Variants in UBE2E2 observed in about 807,000 individuals in gnomAD.
The protein encoded by UBE2E2 is ubiquitin conjugating enzyme E2 E2.
UBE2E2 carries 6 observed loss-of-function variants against 24.7 expected under a neutral mutation model. The ratio of observed to expected loss-of-function variants is 0.24; its 90% CI spans 0.13 to 0.48. The LOEUF is 0.48. Ranked by LOEUF, UBE2E2 falls within the 20% of genes least tolerant of loss-of-function variation. The pLI, the probability that UBE2E2 is intolerant of heterozygous loss-of-function variation, is 0.99. For synonymous variants in UBE2E2, 104 were observed against 83.6 expected (o/e 1.24, Z -1.33); for missense variants, 169 against 245.0 (o/e 0.69, Z 2.07).
At chr3:23,453,057 A>C (rs1166225664) in intron 3 of UBE2E2, among the ~76,000 whole-genome samples, 2 of 152,186 alleles carry the variant, frequency 1.3e-5, no homozygotes, top group African/African-American at 4.8e-5. Flanking sequence ...CTTCAAAGTA[A>C]ATGATAGGTA....
intron 3 of UBE2E2, among the ~76,000 whole-genome samples, chr3:23,304,872 C>G (rs1195460834): frequency 1.3e-5 from 2 of 151,242 alleles, no homozygotes; most frequent in Non-Finnish European, 3.0e-5. Context: ...GTGTGTGTAA[C>G]TTCTATTTTT....
intron 4 of UBE2E2, among the ~76,000 whole-genome samples, chr3:23,516,810 A>G (rs1694752433): frequency 6.6e-6 from 1 of 152,146 alleles, no homozygotes; most frequent in South Asian, 2.1e-4. Context: ...AGTCTTATTA[A>G]TTTAAAGTTT....
chr3:23,307,331 TG>T lies in UBE2E2; in HGVS notation c.227+90021del, dbSNP rs1237672319. ...GCTTTCAGGTCTAGTAATCTTTGGTTGGTTGAGTGTATTTAATTGTGGACCA... is the reference window on the plus strand; with the variant it reads ...GCTTTCAGGTCTAGTAATCTTTGGTTGTTGAGTGTATTTAATTGTGGACCA... On this transcript the variant is annotated intron_variant, in intron 3 of 5. Coordinates refer to ENST00000396703, the MANE Select transcript of UBE2E2 (RefSeq NM_152653.4). Among the ~76,000 whole-genome samples, 8 of 152,322 alleles carry T rather than the reference TG, an allele frequency of 5.3e-5. No homozygotes were observed. The East Asian group carries it at 1.5e-3, about 29-fold the overall frequency.
At position 23,589,356 on chromosome 3, in the gene UBE2E2, AAGGCTACACTG is replaced by A. The variant is rs1696706591; in HGVS notation, c.509-375_509-365del. Among the ~76,000 whole-genome samples the A allele has an allele frequency of 6.6e-6, 1 of 151,922 alleles. No homozygotes were observed. The highest frequency in any genetic ancestry group is 1.5e-5 in the Non-Finnish European group (1 of 67,962). ...GAGGATTGCTTGATCCCAGGAGGTC[AAGGCTACACTG>A]AGCTGTGATCATGCCACTGCACTCT... is the stretch of plus-strand genomic sequence containing the variant. On this transcript the variant is annotated intron_variant, in intron 5 of 5. Transcript: ENST00000396703. The surrounding 1 kb of genome is among the most constrained non-coding windows in gnomAD (Gnocchi z 4.1).
intron 5 of UBE2E2, among the ~76,000 whole-genome samples, chr3:23,549,802 G>T (rs781484056): frequency 6.6e-6 from 1 of 152,082 alleles, no homozygotes; most frequent in Admixed American, 6.6e-5. Context: ...GAAGGCTGAG[G>T]TGGGTGGATC....
At chr3:23,497,762 A>C (rs1699635767) in intron 3 of UBE2E2, among the ~76,000 whole-genome samples, 1 of 152,148 alleles carries the variant, frequency 6.6e-6, no homozygotes, top group Admixed American at 6.6e-5. Flanking sequence ...ACAAATCTCA[A>C]ATTTTTCTAA....
chr3:23,344,213 G>A (rs1477233407), intron 3 of UBE2E2, among the ~76,000 whole-genome samples: 4 of 151,992 alleles, frequency 2.6e-5, no homozygotes, highest in Non-Finnish European at 5.9e-5. Flanking sequence ...TGAGTACTTT[G>A]ATTTATCTGG....
At chr3:23,293,288 T>C (rs535444750) in intron 3 of UBE2E2, among the ~76,000 whole-genome samples, 2 of 152,348 alleles carry the variant, frequency 1.3e-5, no homozygotes, top group African/African-American at 2.4e-5. Flanking sequence ...TCCCAGGTGA[T>C]TCTTACATTT....
chr3:23,521,487 T>A (rs762575278), intron 4 of UBE2E2, among the ~76,000 whole-genome samples: 5 of 152,238 alleles, frequency 3.3e-5, no homozygotes, highest in Non-Finnish European at 7.3e-5. Flanking sequence ...TGGACATCTG[T>A]TAAATTATCT....
At chr3:23,209,461 C>G (rs1696256326) in intron 2 of UBE2E2, among the ~76,000 whole-genome samples, 1 of 152,132 alleles carries the variant, frequency 6.6e-6, no homozygotes, top group Admixed American at 6.5e-5. Context: ...TGGCATGTCA[C>G]TGGACTTAAA....
intron 4 of UBE2E2, among the ~76,000 whole-genome samples, chr3:23,503,642 T>C (rs1694352263): frequency 6.6e-6 from 1 of 151,798 alleles, no homozygotes; most frequent in Admixed American, 6.6e-5. Flanking sequence ...TCATTTGAGA[T>C]CAGGAGTTCG....
rs71974866 is a variant in UBE2E2 at position 23,407,647 on chromosome 3, A to ATGTGTGTGTG, written c.228-91927_228-91918dup. 8.8e-4 allele frequency among the ~76,000 whole-genome samples: 122 copies of ATGTGTGTGTG among 138,116 alleles called. No individual in the cohort carries two copies. Among genetic ancestry groups the ATGTGTGTGTG allele is most frequent in the Admixed American group, 8.3e-3 (111 of 13,446 alleles). 90.6% of individuals were successfully genotyped at this position (138,116 alleles called of 152,430 possible). ...TGTGTGTTTGTGTGTGCATGCGTGC[A>ATGTGTGTGTG]TGTGTGTGTGTGTGTGTGTGTGTGT... On this transcript the variant is annotated intron_variant, in intron 3 of 5. Coordinates refer to ENST00000396703, the MANE Select transcript of UBE2E2 (RefSeq NM_152653.4). The surrounding 1 kb of genome is among the most constrained non-coding windows in gnomAD (Gnocchi z 4.0).
intron 3 of UBE2E2, among the ~76,000 whole-genome samples, chr3:23,230,081 A>G (rs1229588198): frequency 1.3e-5 from 2 of 152,174 alleles, no homozygotes. Flanking sequence ...GTATATATTT[A>G]TTTATCTCCC....
intron 3 of UBE2E2, among the ~76,000 whole-genome samples, chr3:23,318,045 G>A (rs760848176): frequency 6.6e-6 from 1 of 151,734 alleles, no homozygotes; most frequent in South Asian, 2.1e-4. Flanking sequence ...TCTTATCTAG[G>A]TTTTAAAAAA....
At chr3:23,327,495 A>T (rs932819181) in intron 3 of UBE2E2, among the ~76,000 whole-genome samples, 1 of 152,166 alleles carries the variant, frequency 6.6e-6, no homozygotes, top group Non-Finnish European at 1.5e-5. Flanking sequence ...CATCTACTCT[A>T]TTTTACTAAC....
intron 5 of UBE2E2, among the ~76,000 whole-genome samples, chr3:23,568,564 G>A (rs1338200490): frequency 1.3e-5 from 2 of 148,854 alleles, no homozygotes; most frequent in Admixed American, 6.7e-5. Context: ...AGAAACAAAC[G>A]CTTGTATATC....
intron 3 of UBE2E2, among the ~76,000 whole-genome samples, chr3:23,262,919 T>C (rs550198453): frequency 2.0e-5 from 3 of 152,266 alleles, no homozygotes; most frequent in Non-Finnish European, 4.4e-5. Flanking sequence ...CTTACTGTGG[T>C]CTTGAATTTT....
intron 3 of UBE2E2, among the ~76,000 whole-genome samples, chr3:23,285,774 A>G (rs560671285): frequency 6.6e-6 from 1 of 152,172 alleles, no homozygotes; most frequent in African/African-American, 2.4e-5. Flanking sequence ...TCTCACTGCA[A>G]CCTCTGCCTT....
chr3:23,527,541 TC>T (rs1309969524), intron 4 of UBE2E2, among the ~76,000 whole-genome samples: 1 of 152,054 alleles, frequency 6.6e-6, no homozygotes, highest in African/African-American at 2.4e-5. Context: ...GTGGCTGGGG[TC>T]TCCTGGAAGG....
Sources: allele counts gnomAD v4.1 joint callset (sites outside exome capture counted in the v4.1 genomes callset), GRCh38; gene constraint gnomAD v4.1.1; non-coding constraint Gnocchi (gnomAD v3.1); transcripts MANE v1.5; gene names NCBI Gene and HGNC (gene_info 2026-07-23, HGNC 2026-07-21).